SMIM29: variants seen among roughly 807,000 people sequenced by gnomAD.
SMIM29 encodes small integral membrane protein 29, also known as uncharacterized protein C6orf1.
A neutral mutation model predicts 12.9 loss-of-function variants in SMIM29; 4 were observed. The observed-to-expected ratio is 0.31, with a 90% CI of 0.15 to 0.71. SMIM29 has a LOEUF of 0.71. Ranked by LOEUF, SMIM29 falls within the 30% of genes least tolerant of loss-of-function variation. The probability of loss-of-function intolerance (pLI) is 0.70; values close to 1 mark genes in which losing one functional copy is unlikely to be tolerated. For missense variants in SMIM29, 122 were observed against 138.1 expected, an observed-to-expected ratio of 0.88 and a Z score of 0.58; for synonymous variants, 50 against 52.0, an observed-to-expected ratio of 0.96 and a Z score of 0.17.
At chr6:34,248,808 G>T in intron 1 of SMIM29, 171 bp downstream of exon 1, 2 of 985,816 alleles carry the variant, frequency 2.0e-6, no homozygotes, top group Non-Finnish European at 2.4e-6. Context: ...ATGCGGGCCA[G>T]CAACAGCGGA....
rs1762809113 is a variant in SMIM29, at chr6:34,246,939, C to G, written c.244-71G>C. The G allele has an allele frequency of 1.8e-5, 29 of 1,601,662 alleles. No homozygotes were observed. The South Asian group carries it at 3.2e-4, about 18-fold the overall frequency. On this transcript the variant is annotated intron_variant, in intron 4 of 4. Coordinates refer to ENST00000476320, the MANE Select transcript of SMIM29 (RefSeq NM_001008703.4). ...GGAGTCTGCAGCACCCAGTTACAGC[C>G]CAAGTAAGCAGAACCAGGCTCTGGT...
At position 34,246,660 on chromosome 6, in the gene SMIM29, C is replaced by G; in HGVS notation, c.*143G>C. On this transcript the variant is annotated 3_prime_UTR_variant, in exon 5 of 5. Transcript: ENST00000476320. Reference sequence around the variant, plus strand: ...GAGGTGATGGTGAGGGCATGGGAAGCAGATGCTGCTGAGGGTGGGTGGAGG... The same window carrying G: ...GAGGTGATGGTGAGGGCATGGGAAGGAGATGCTGCTGAGGGTGGGTGGAGG... The G allele has an allele frequency of 6.2e-7, 1 of 1,613,928 alleles. No individual in the cohort carries two copies.
Position 34,246,745 on chromosome 6 carries a change from GCAGGGCCCCAGGCAGTC to G in SMIM29, c.*41_*57del, listed in dbSNP as rs773070331. 35 of 1,613,732 alleles carry G rather than the reference GCAGGGCCCCAGGCAGTC, an allele frequency of 2.2e-5. 1 individual carries two copies. Among genetic ancestry groups the G allele is most frequent in the Admixed American group, 8.3e-5 (5 of 60,024 alleles). On this transcript the variant is annotated 3_prime_UTR_variant, in exon 5 of 5. Transcript: ENST00000476320. The stretch of plus-strand genomic sequence containing the variant: ...CAGGTGACAGCAGGGGAAGCAGATG[GCAGGGCCCCAGGCAGTC>G]CAGGACCCCAGGCTCTGAAGGGTGG...
chr6:34,248,236 G>T lies in SMIM29; in HGVS notation c.-73-372C>A, dbSNP rs546039419. ...GGGCTGCCAGCACCTGTCCAGTGGA[G>T]CAAAATGGATAAATGAGGTCTAAAG... is the stretch of plus-strand genomic sequence containing the variant. On this transcript the variant is annotated intron_variant, in intron 1 of 4. Transcript: ENST00000476320. 134 of 985,488 alleles carry T rather than the reference G, an allele frequency of 1.4e-4. No individual in the cohort carries two copies. In the African/African-American group the frequency reaches 2.1e-3, roughly 16 times the overall value. The allele number at this position is 985,488 out of a possible 1,614,324, so 61.0% of individuals were successfully genotyped here.
intron 3 of SMIM29, 118 bp downstream of exon 3, chr6:34,247,349 C>A: frequency 7.1e-7 from 1 of 1,405,830 alleles, no homozygotes; most frequent in Middle Eastern, 1.9e-4. Context: ...GCAGGGAAAA[C>A]AAATTTCAGG....
intron 3 of SMIM29, 140 bp downstream of exon 3, chr6:34,247,327 C>T (rs1180042313): frequency 9.8e-6 from 15 of 1,529,792 alleles, no homozygotes; most frequent in African/African-American, 6.9e-5. Flanking sequence ...CAGTGAGTAA[C>T]CTGAGGCTGG....
Position 34,248,138 on chromosome 6 carries a change from TTTAC to T in SMIM29, c.-73-278_-73-275del, listed in dbSNP as rs771290938. 73 of 985,268 alleles carry T rather than the reference TTTAC, an allele frequency of 7.4e-5. 1 individual carries two copies. Among genetic ancestry groups the T allele is most frequent in the East Asian group, 6.8e-4 (6 of 8,810 alleles). The allele number at this position is 985,268 out of a possible 1,614,324, so 61.0% of individuals were successfully genotyped here. A position where few individuals can be genotyped will look rare whatever the true frequency, so the allele number is the denominator to read the frequency against. On this transcript the variant is annotated intron_variant, in intron 1 of 4. Transcript: ENST00000476320. ...GCCCAGCTCAGATGCTGGCCAAACA[TTTAC>T]AAGTCTCAGCTTCTGGGGAAAGATT...
intron 1 of SMIM29, chr6:34,248,527 C>G: frequency 2.0e-6 from 2 of 985,232 alleles, no homozygotes; most frequent in Non-Finnish European, 2.4e-6. Context: ...CCAGGTCCCT[C>G]CCCTCCTGGC....
At chr6:34,247,657 T>C in intron 2 of SMIM29, 24 bp downstream of exon 2, 1 of 1,432,674 alleles carries the variant, frequency 7.0e-7, no homozygotes, top group Non-Finnish European at 9.1e-7. Context: ...TGTGGGTGTC[T>C]GTGTGTATAT....
chr6:34,246,707 C>T lies in SMIM29; in HGVS notation c.*96G>A. ...GAGGGAGAAATGGAGACCCAGCACC[C>T]AGCAGGGGGAGCCAGGTGACAGCAG... is the stretch of plus-strand genomic sequence containing the variant. On this transcript the variant is annotated 3_prime_UTR_variant, in exon 5 of 5. Transcript: ENST00000476320. 1 of 1,613,726 alleles carries T rather than the reference C, an allele frequency of 6.2e-7. No individual in the cohort carries two copies. The highest frequency in any genetic ancestry group is 8.5e-7 in the Non-Finnish European group (1 of 1,179,860).
intron 1 of SMIM29, chr6:34,248,282 A>G (rs1442121275): frequency 1.0e-6 from 1 of 985,328 alleles, no homozygotes; most frequent in Non-Finnish European, 1.2e-6. Context: ...CACTGCAGCC[A>G]GGGGTGAGAT....
Position 34,246,732 on chromosome 6 carries a change from G to T in SMIM29, c.*71C>A. On this transcript the variant is annotated 3_prime_UTR_variant, in exon 5 of 5. Transcript: ENST00000476320. ...CAGCAGGGGGAGCCAGGTGACAGCA[G>T]GGGAAGCAGATGGCAGGGCCCCAGG... The T allele has an allele frequency of 6.2e-7, 1 of 1,613,790 alleles. No homozygotes were observed. Among genetic ancestry groups the T allele is most frequent in the Non-Finnish European group, 8.5e-7 (1 of 1,179,982 alleles).
At chr6:34,247,177 AG>A in intron 3 of SMIM29, 28 bp from the exon 4 acceptor site, 1 of 1,611,852 alleles carries the variant, frequency 6.2e-7, no homozygotes, top group Non-Finnish European at 8.5e-7. Flanking sequence ...GGACTCAGCT[AG>A]GAGGTCCCCC....
In SMIM29 at chr6:34,246,401, C is replaced by T. The variant is rs904255729; in HGVS notation, c.*402G>A. The T allele has an allele frequency of 8.0e-7, 1 of 1,249,596 alleles. No homozygotes were observed. 77.4% of individuals were successfully genotyped at this position (1,249,596 alleles called of 1,614,324 possible). On this transcript the variant is annotated 3_prime_UTR_variant, in exon 5 of 5. Transcript: ENST00000476320. ...TTGATGAAATCAAAACCCCTAGCCA[C>T]AAAACATTTTATTTACAAAATATAT...
Position 34,246,528 on chromosome 6 carries a change from G to T in SMIM29, c.*275C>A, listed in dbSNP as rs1265298888. Reference sequence around the variant, plus strand: ...GCCCAGGAGGGCTAGAGAAAGCAAAGGTGTCTACCAGCCGCCCCCATCCCA... The same window carrying T: ...GCCCAGGAGGGCTAGAGAAAGCAAATGTGTCTACCAGCCGCCCCCATCCCA... On this transcript the variant is annotated 3_prime_UTR_variant, in exon 5 of 5. Transcript: ENST00000476320. The T allele has an allele frequency of 6.4e-7, 1 of 1,555,566 alleles. No homozygotes were observed. The highest frequency in any genetic ancestry group is 1.2e-5 in the South Asian group (1 of 81,696).
intron 4 of SMIM29, 25 bp from the exon 5 acceptor site, chr6:34,246,893 A>G (rs4711389): frequency 0.039 from 62,027 of 1,598,680 alleles, 3,451 homozygotes; most frequent in Admixed American, 0.26. Flanking sequence ...ACCACACCAC[A>G]AGGCTGGGCT....
chr6:34,248,141 A>ATAAG (rs1762880134), intron 1 of SMIM29: 13 of 985,152 alleles, frequency 1.3e-5, no homozygotes, highest in Non-Finnish European at 1.6e-5. Context: ...CCAAACATTT[A>ATAAG]CAAGTCTCAG....
rs775286181 is a variant in SMIM29, at chr6:34,246,610, A to G, written c.*193T>C. 9 of 1,613,548 alleles carry G rather than the reference A, an allele frequency of 5.6e-6. No homozygotes were observed. The Admixed American group carries it at 6.7e-5, about 12-fold the overall frequency. ...GGTGGGCGGTGAGCTCAACACCCACAAAGGGCAGAAGGCCTGGGGGCAGTG... is the reference window on the plus strand; with the variant it reads ...GGTGGGCGGTGAGCTCAACACCCACGAAGGGCAGAAGGCCTGGGGGCAGTG... On this transcript the variant is annotated 3_prime_UTR_variant, in exon 5 of 5. Transcript: ENST00000476320.
intron 1 of SMIM29, chr6:34,248,066 A>T: frequency 1.0e-6 from 1 of 985,424 alleles, no homozygotes; most frequent in Non-Finnish European, 1.2e-6. Flanking sequence ...GAAGGCCTGG[A>T]TCCAGGGCTG....
Sources: gnomAD v4.1 joint callset for allele counts on GRCh38, gnomAD v4.1.1 for gene constraint, MANE v1.5 for transcripts, NCBI Gene and HGNC (gene_info 2026-07-23, HGNC 2026-07-21) for gene names.